Variants in AP1G1 observed in about 807,000 individuals in gnomAD.
The protein encoded by AP1G1 is AP-1 complex subunit gamma-1.
A neutral mutation model predicts 108.3 loss-of-function variants in AP1G1; 7 were observed. The observed-to-expected ratio is 0.06, with a 90% CI of 0.04 to 0.12. AP1G1 has a LOEUF of 0.12. Ranked by LOEUF, AP1G1 falls within the 10% of genes least tolerant of loss-of-function variation. AP1G1 has a pLI of 1.00. For missense variants in AP1G1, 756 were observed against 1,010.7 expected (o/e 0.75, Z 3.42); for synonymous variants, 379 against 353.5 (o/e 1.07, Z -0.81).
chr16:71,748,518 A>T (rs761914416), intron 15 of AP1G1, 140 bp from the exon 16 acceptor site: 1 of 1,031,120 alleles, frequency 9.7e-7, no homozygotes, highest in Non-Finnish European at 1.4e-6. Flanking sequence ...GTGCTTTGCC[A>T]GGGTAACTGT....
intron 2 of AP1G1, among the ~76,000 whole-genome samples, chr16:71,779,473 T>G (rs2031921038): frequency 6.6e-6 from 1 of 151,972 alleles, no homozygotes; most frequent in Non-Finnish European, 1.5e-5. Context: ...CCCAAGTAGC[T>G]GGAACTACAG....
At chr16:71,795,641 G>C (rs967939964) in intron 1 of AP1G1, among the ~76,000 whole-genome samples, 1 of 152,146 alleles carries the variant, frequency 6.6e-6, no homozygotes, top group Non-Finnish European at 1.5e-5. Flanking sequence ...TTTACAACCT[G>C]CAAAATACTA....
chr16:71,770,126 G>C (rs2031514887), intron 5 of AP1G1, among the ~76,000 whole-genome samples: 1 of 152,148 alleles, frequency 6.6e-6, no homozygotes, highest in Non-Finnish European at 1.5e-5. Flanking sequence ...TCAAAACTCT[G>C]AGAAAACTTT....
At chr16:71,797,659 C>A (rs2032634667) in intron 1 of AP1G1, among the ~76,000 whole-genome samples, 1 of 152,040 alleles carries the variant, frequency 6.6e-6, no homozygotes, top group Non-Finnish European at 1.5e-5. Context: ...ATTAGCCGGG[C>A]GCAGTGGTGC....
intron 7 of AP1G1, 86 bp downstream of exon 7, chr16:71,765,400 ACTC>A: frequency 1.2e-6 from 1 of 856,016 alleles, no homozygotes; most frequent in Non-Finnish European, 1.8e-6. Context: ...CCAAATTTCT[ACTC>A]AACACAAACT....
intron 12 of AP1G1, among the ~76,000 whole-genome samples, chr16:71,755,185 G>A (rs1341129494): frequency 1.3e-5 from 2 of 152,180 alleles, no homozygotes; most frequent in Non-Finnish European, 1.5e-5. Flanking sequence ...TAGCACTTTG[G>A]GAGGCTGAGG....
intron 1 of AP1G1, chr16:71,808,058 C>T: frequency 8.5e-7 from 1 of 1,177,438 alleles, no homozygotes; most frequent in Admixed American, 3.8e-5. Context: ...GAGTCCTAAC[C>T]GGGAAACACA....
intron 3 of AP1G1, among the ~76,000 whole-genome samples, chr16:71,774,019 G>C (rs541037220): frequency 2.7e-5 from 4 of 148,204 alleles, no homozygotes; most frequent in Non-Finnish European, 5.9e-5. Flanking sequence ...CTGAGATCAC[G>C]CCACTGCAGT....
intron 15 of AP1G1, among the ~76,000 whole-genome samples, chr16:71,749,555 A>G (rs2030373671): frequency 6.6e-6 from 1 of 151,910 alleles, no homozygotes; most frequent in Non-Finnish European, 1.5e-5. Context: ...TTTCCAATAT[A>G]ATTCGCGTTT....
intron 11 of AP1G1, chr16:71,756,373 T>C: frequency 2.3e-6 from 1 of 440,492 alleles, no homozygotes; most frequent in Non-Finnish European, 4.0e-6. Flanking sequence ...CATGCAATAT[T>C]CTTCTTCAAA....
chr16:71,737,188 G>A (rs1437173194), intron 21 of AP1G1, among the ~76,000 whole-genome samples: 1 of 152,160 alleles, frequency 6.6e-6, no homozygotes, highest in South Asian at 2.1e-4. Flanking sequence ...GAGGTTCAGT[G>A]ACTTTCTTCA....
At chr16:71,795,008 T>C (rs1199905504) in intron 1 of AP1G1, among the ~76,000 whole-genome samples, 1 of 151,924 alleles carries the variant, frequency 6.6e-6, no homozygotes, top group African/African-American at 2.4e-5. Context: ...AAAATATCTT[T>C]AAAAAAATTG....
intron 1 of AP1G1, among the ~76,000 whole-genome samples, chr16:71,794,835 C>CTTTTCTTTTTTT (rs2032522793): frequency 0.011 from 427 of 39,648 alleles, 35 homozygotes; most frequent in African/African-American, 0.042. Flanking sequence ...ATGAGAAGTG[C>CTTTTCTTTTTTT]TTTTTTTTTT....
chr16:71,738,025 C>T (rs1325128425), intron 21 of AP1G1, among the ~76,000 whole-genome samples: 1 of 152,202 alleles, frequency 6.6e-6, no homozygotes, highest in Non-Finnish European at 1.5e-5. Flanking sequence ...ACTCCTCATT[C>T]TCAACTTTTC....
chr16:71,808,677 A>T, intron 1 of AP1G1, 86 bp downstream of exon 1: 1 of 1,288,068 alleles, frequency 7.8e-7, no homozygotes. Flanking sequence ...GACCCCTGAA[A>T]CTGAAAGGAA....
chr16:71,768,364 G>T (rs2031404650), intron 6 of AP1G1, among the ~76,000 whole-genome samples: 1 of 151,356 alleles, frequency 6.6e-6, no homozygotes, highest in Non-Finnish European at 1.5e-5. Flanking sequence ...AGCCGGGCAT[G>T]GTGGCAGGCG....
intron 21 of AP1G1, among the ~76,000 whole-genome samples, chr16:71,736,450 G>A (rs563544593): frequency 4.7e-5 from 7 of 149,914 alleles, no homozygotes; most frequent in South Asian, 4.2e-4. Flanking sequence ...GTGCGATCTC[G>A]GCTCACTGCA....
chr16:71,752,633 A>AT (rs201149059), intron 13 of AP1G1, among the ~76,000 whole-genome samples: 1 of 152,004 alleles, frequency 6.6e-6, no homozygotes, highest in African/African-American at 2.4e-5. Flanking sequence ...TTGTCCTATT[A>AT]TTTTTTCAGG....
intron 6 of AP1G1, 145 bp downstream of exon 6, chr16:71,769,478 C>T (rs755080443): frequency 1.3e-6 from 1 of 754,790 alleles, no homozygotes; most frequent in Non-Finnish European, 2.3e-6. Flanking sequence ...ATCTGGCTTC[C>T]AGGCCAATTG....
Sources: gnomAD v4.1 joint callset for allele counts (sites outside exome capture counted in the v4.1 genomes callset) on GRCh38, gnomAD v4.1.1 for gene constraint, MANE v1.5 for transcripts, NCBI Gene and HGNC (gene_info 2026-07-23, HGNC 2026-07-21) for gene names.